The following SNX29 variants were observed in gnomAD, a reference collection of about 807,000 sequenced individuals.
SNX29 encodes sorting nexin-29.
In SNX29, 78 loss-of-function variants were observed where a neutral mutation model predicts 102.1. That is an observed-to-expected ratio of 0.76 (90% CI 0.64 to 0.92). The LOEUF (loss-of-function observed/expected upper bound fraction) is 0.92, where lower values mean the gene tolerates loss of function less well. Among genes scored for constraint, SNX29 ranks in the 40% least tolerant of loss-of-function variants. The probability of loss-of-function intolerance (pLI) is 0.00; values close to 1 mark genes in which losing one functional copy is unlikely to be tolerated. For missense variants in SNX29, 1,280 were observed against 1,061.7 expected (o/e 1.21, Z -2.86); for synonymous variants, 580 against 414.5 (o/e 1.40, Z -4.85).
At chr16:12,418,094 C>G (rs565437512) in intron 18 of SNX29, among the ~76,000 whole-genome samples, 6 of 152,270 alleles carry the variant, frequency 3.9e-5, no homozygotes, top group Admixed American at 2.6e-4. Flanking sequence ...CGGGAAAGTG[C>G]TTCCCTGACA....
At chr16:12,182,845 A>G (rs2076419416) in intron 13 of SNX29, among the ~76,000 whole-genome samples, 1 of 145,134 alleles carries the variant, frequency 6.9e-6, no homozygotes, top group Admixed American at 7.3e-5. Flanking sequence ...GAGGCAGGAG[A>G]CTCCCTTGAA....
chr16:12,537,221 C>G (rs2077116365), intron 20 of SNX29, among the ~76,000 whole-genome samples: 1 of 152,206 alleles, frequency 6.6e-6, no homozygotes, highest in African/African-American at 2.4e-5. Flanking sequence ...AGAGACCAGA[C>G]TGCAAGGTGC....
At chr16:12,301,416 G>C (rs1408533258) in intron 15 of SNX29, among the ~76,000 whole-genome samples, 1 of 152,166 alleles carries the variant, frequency 6.6e-6, no homozygotes, top group Admixed American at 6.5e-5. Context: ...CCAGGGTCTT[G>C]TGTTTCCTAT....
At chr16:12,268,957 G>A (rs970656916) in intron 14 of SNX29, among the ~76,000 whole-genome samples, 2 of 152,116 alleles carry the variant, frequency 1.3e-5, no homozygotes, top group African/African-American at 2.4e-5. Flanking sequence ...AGATGTGGCC[G>A]GCTGCGATGA....
At position 12,573,973 on chromosome 16, in the gene SNX29, G is replaced by A. The variant is rs2079239437; in HGVS notation, c.*5344G>A. ...GAGGAGCGATGGTAACCCCACTAGG[G>A]GGCGCCCATGATCGGCTCCCAGTGC... On this transcript the variant is annotated 3_prime_UTR_variant, in exon 21 of 21. Coordinates refer to ENST00000566228, the MANE Select transcript of SNX29 (RefSeq NM_032167.5). 2 of 199,252 alleles carry A rather than the reference G, an allele frequency of 1.0e-5. No homozygotes were observed. The highest frequency in any genetic ancestry group is 1.6e-4 in the East Asian group (2 of 12,856). The allele number at this position is 199,252 out of a possible 1,614,324, so 12.3% of individuals were successfully genotyped here. A position where few individuals can be genotyped will look rare whatever the true frequency, so the allele number is the denominator to read the frequency against.
intron 20 of SNX29, among the ~76,000 whole-genome samples, chr16:12,558,235 C>CA (rs143604641): frequency 3.9e-5 from 3 of 76,808 alleles, no homozygotes; most frequent in Non-Finnish European, 7.6e-5. Context: ...TCTTCAGCCC[C>CA]CCCAGTAGAT....
At chr16:12,464,709 C>T (rs1412145517) in intron 18 of SNX29, among the ~76,000 whole-genome samples, 2 of 152,196 alleles carry the variant, frequency 1.3e-5, no homozygotes, top group Non-Finnish European at 1.5e-5. Flanking sequence ...CCCACCTCAG[C>T]CTCCGAAAGA....
At chr16:12,422,420 G>C (rs1359711246) in intron 18 of SNX29, among the ~76,000 whole-genome samples, 1 of 152,190 alleles carries the variant, frequency 6.6e-6, no homozygotes, top group Non-Finnish European at 1.5e-5. Context: ...TAGGCGGGGT[G>C]GGGCAGACTT....
At chr16:12,048,656 G>T in intron 7 of SNX29, 36 bp downstream of exon 7, 2 of 1,613,900 alleles carry the variant, frequency 1.2e-6, no homozygotes, top group Non-Finnish European at 1.7e-6. Context: ...GGAGCAGAGG[G>T]AATCAGAATG....
Position 12,011,897 on chromosome 16 carries a change from T to A in SNX29, c.122+8854T>A, listed in dbSNP as rs115040691. On this transcript the variant is annotated intron_variant, in intron 3 of 20. Transcript: ENST00000566228. ...CACTTGCTAGGGTTATAGTCAGGAT[T>A]AGCTGTAATAATATTTGCTTGGTAC... 3.3e-3 allele frequency among the ~76,000 whole-genome samples: 506 copies of A among 152,300 alleles called. 2 individuals are homozygous for A. Among genetic ancestry groups the A allele is most frequent in the African/African-American group, 0.011 (472 of 41,560 alleles).
intron 3 of SNX29, among the ~76,000 whole-genome samples, chr16:12,025,577 A>G (rs2057167823): frequency 6.6e-6 from 1 of 152,194 alleles, no homozygotes; most frequent in African/African-American, 2.4e-5. Context: ...GAGGGGAAGT[A>G]TTAGATTTGT....
intron 19 of SNX29, among the ~76,000 whole-genome samples, chr16:12,492,559 C>T (rs1484248136): frequency 6.6e-6 from 1 of 152,054 alleles, no homozygotes; most frequent in Non-Finnish European, 1.5e-5. Flanking sequence ...TCAATTTTGG[C>T]TTTTGTTGCC....
intron 11 of SNX29, among the ~76,000 whole-genome samples, chr16:12,123,995 A>T (rs911406444): frequency 6.6e-6 from 1 of 152,206 alleles, no homozygotes; most frequent in Non-Finnish European, 1.5e-5. Flanking sequence ...AGCAAGGATG[A>T]TATCATTTGC....
intron 20 of SNX29, among the ~76,000 whole-genome samples, chr16:12,544,278 T>G (rs1416802471): frequency 6.6e-6 from 1 of 152,014 alleles, no homozygotes; most frequent in African/African-American, 2.4e-5. Context: ...GACTTTACAC[T>G]CTCAGTACGG....
At chr16:12,137,961 GTAGTCGC>G (rs2054724002) in intron 13 of SNX29, among the ~76,000 whole-genome samples, 1 of 152,156 alleles carries the variant, frequency 6.6e-6, no homozygotes, top group African/African-American at 2.4e-5. Context: ...GCCAACTCTG[GTAGTCGC>G]TGCCTGGGAT....
At chr16:12,464,882 G>A (rs2086981390) in intron 18 of SNX29, among the ~76,000 whole-genome samples, 1 of 152,184 alleles carries the variant, frequency 6.6e-6, no homozygotes, top group Non-Finnish European at 1.5e-5. Flanking sequence ...GCGTACAAGA[G>A]TTTCCTTTTC....
intron 3 of SNX29, among the ~76,000 whole-genome samples, chr16:12,013,500 A>AAAAAT: frequency 4.7e-4 from 15 of 31,622 alleles, no homozygotes; most frequent in African/African-American, 8.8e-4. Flanking sequence ...AAAAAAAAAA[A>AAAAAT]ATATATATAT....
chr16:12,427,583 G>C (rs1216296824), intron 18 of SNX29, among the ~76,000 whole-genome samples: 1 of 151,664 alleles, frequency 6.6e-6, no homozygotes, highest in Non-Finnish European at 1.5e-5. Flanking sequence ...TTCTCTATTC[G>C]GTTGTTGGTA....
chr16:12,183,333 T>C (rs1000122716), intron 13 of SNX29, among the ~76,000 whole-genome samples: 2 of 152,186 alleles, frequency 1.3e-5, no homozygotes, highest in African/African-American at 4.8e-5. Flanking sequence ...ATTTCCTTTT[T>C]ATTTTGAGAA....
Sources: gnomAD v4.1 joint callset for allele counts (sites outside exome capture counted in the v4.1 genomes callset) on GRCh38, gnomAD v4.1.1 for gene constraint, MANE v1.5 for transcripts, NCBI Gene and HGNC (gene_info 2026-07-23, HGNC 2026-07-21) for gene names.